The following ARB2A variants were observed in gnomAD, a reference collection of about 807,000 sequenced individuals.
ARB2A encodes cotranscriptional regulator ARB2A.
At chr5:94,004,998 C>CAAAAAAA in the ARB2A span, among the ~76,000 whole-genome samples, 39 of 12,532 alleles carry the variant, frequency 3.1e-3, no homozygotes, top group East Asian at 4.8e-3. Flanking sequence ...ATTTTATCAG[C>CAAAAAAA]AAAAAAAAAA....
the ARB2A span, among the ~76,000 whole-genome samples, chr5:93,851,114 T>C: frequency 6.6e-6 from 1 of 152,190 alleles, no homozygotes; most frequent in Non-Finnish European, 1.5e-5. Context: ...TCAGGGACTG[T>C]TATAGACAGA....
the ARB2A span, among the ~76,000 whole-genome samples, chr5:93,712,833 A>T: frequency 6.6e-6 from 1 of 152,124 alleles, no homozygotes; most frequent in East Asian, 1.9e-4. Context: ...AACCAAAACA[A>T]CATGGTACTG....
chr5:93,983,227 G>A, the ARB2A span, among the ~76,000 whole-genome samples: 1 of 98,900 alleles, frequency 1.0e-5, no homozygotes, highest in African/African-American at 3.7e-5. Context: ...GTGTGTGTGT[G>A]TGTCCATGTC....
the ARB2A span, among the ~76,000 whole-genome samples, chr5:93,943,143 A>G: frequency 6.6e-6 from 1 of 152,172 alleles, no homozygotes; most frequent in Admixed American, 6.5e-5. Flanking sequence ...AATGAAATTT[A>G]AGGTCAAAGA....
At chr5:93,799,165 G>A in the ARB2A span, among the ~76,000 whole-genome samples, 2 of 151,994 alleles carry the variant, frequency 1.3e-5, no homozygotes, top group Non-Finnish European at 2.9e-5. Flanking sequence ...AACACTTATG[G>A]TCCTGAAAAG....
the ARB2A span, among the ~76,000 whole-genome samples, chr5:93,958,140 CA>C: frequency 6.6e-6 from 1 of 151,956 alleles, no homozygotes; most frequent in African/African-American, 2.4e-5. Context: ...ACCTTGAACA[CA>C]ATTTAAAAAT....
At chr5:93,857,847 T>C in the ARB2A span, among the ~76,000 whole-genome samples, 1 of 152,166 alleles carries the variant, frequency 6.6e-6, no homozygotes, top group East Asian at 1.9e-4. Flanking sequence ...GTACCTCAGA[T>C]GGAAATGCAG....
chr5:94,101,387 G>C, the ARB2A span, among the ~76,000 whole-genome samples: 11 of 152,134 alleles, frequency 7.2e-5, no homozygotes, highest in African/African-American at 2.7e-4. Flanking sequence ...GCAGTATAGC[G>C]TTTCCTCAAA....
the ARB2A span, among the ~76,000 whole-genome samples, chr5:94,012,281 A>G: frequency 6.6e-6 from 1 of 152,192 alleles, no homozygotes; most frequent in Non-Finnish European, 1.5e-5. Flanking sequence ...GGGTGCCTGT[A>G]GTCCCAGCTA....
the ARB2A span, among the ~76,000 whole-genome samples, chr5:93,695,109 C>T: frequency 6.6e-5 from 10 of 152,200 alleles, no homozygotes; most frequent in African/African-American, 2.4e-4. Context: ...TAGGCAATAC[C>T]ATTCAGGACA....
the ARB2A span, among the ~76,000 whole-genome samples, chr5:93,813,693 A>C: frequency 6.6e-6 from 1 of 152,172 alleles, no homozygotes; most frequent in Admixed American, 6.5e-5. Context: ...CCCTCACTAG[A>C]GCCTGGATCT....
chr5:94,111,129 G>T, the ARB2A span, among the ~76,000 whole-genome samples: 5 of 152,112 alleles, frequency 3.3e-5, no homozygotes, highest in African/African-American at 1.2e-4. Flanking sequence ...TTCTGGTAAA[G>T]CGCTGGCAGT....
the ARB2A span, among the ~76,000 whole-genome samples, chr5:93,786,489 T>C: frequency 6.6e-6 from 1 of 152,258 alleles, no homozygotes; most frequent in Non-Finnish European, 1.5e-5. Context: ...AAAATCACTT[T>C]CATATTTTAT....
chr5:93,756,113 T>A, the ARB2A span, among the ~76,000 whole-genome samples: 8 of 152,116 alleles, frequency 5.3e-5, 1 homozygote. Flanking sequence ...TTTCCCCCAC[T>A]TCCCTGACAA....
the ARB2A span, among the ~76,000 whole-genome samples, chr5:93,965,669 T>C: frequency 6.6e-6 from 1 of 152,056 alleles, no homozygotes; most frequent in African/African-American, 2.4e-5. Context: ...CCCCAAAATG[T>C]CTTAAGTTAT....
chr5:93,859,728 A>C, the ARB2A span, among the ~76,000 whole-genome samples: 1 of 152,236 alleles, frequency 6.6e-6, no homozygotes, highest in African/African-American at 2.4e-5. Flanking sequence ...CTAACTAGTA[A>C]TAAGGAAAAT....
chr5:93,793,239 A>ATTTTTTTTTTTTTTTTTTTT, the ARB2A span, among the ~76,000 whole-genome samples: 1 of 64,776 alleles, frequency 1.5e-5, no homozygotes, highest in African/African-American at 5.0e-5. Context: ...CTTCTGGCTA[A>ATTTTTTTTTTTTTTTTTTTT]TTTTTTTTTT....
chr5:94,008,627 CA>C, the ARB2A span, among the ~76,000 whole-genome samples: 2 of 152,058 alleles, frequency 1.3e-5, no homozygotes, highest in African/African-American at 4.8e-5. Flanking sequence ...AAAAGTTACT[CA>C]TATATACTAT....
At chr5:93,927,472 G>C in the ARB2A span, among the ~76,000 whole-genome samples, 2 of 152,248 alleles carry the variant, frequency 1.3e-5, no homozygotes, top group South Asian at 2.1e-4. Flanking sequence ...GCCATAAAAA[G>C]TACATATTCT....
Sources: allele counts gnomAD v4.1 joint callset (sites outside exome capture counted in the v4.1 genomes callset), GRCh38; gene constraint gnomAD v4.1.1; transcripts MANE v1.5; gene names NCBI Gene and HGNC (gene_info 2026-07-23, HGNC 2026-07-21).